PHTF2: variants seen among roughly 807,000 people sequenced by gnomAD.
The protein encoded by PHTF2 is protein PHTF2.
PHTF2 carries 60 observed loss-of-function variants against 101.2 expected under a neutral mutation model. The ratio of observed to expected loss-of-function variants is 0.59; its 90% CI spans 0.48 to 0.73. The LOEUF (loss-of-function observed/expected upper bound fraction) is 0.73, where lower values mean the gene tolerates loss of function less well. Among genes scored for constraint, PHTF2 ranks in the 30% least tolerant of loss-of-function variants. The pLI is 0.00. For synonymous variants in PHTF2, 311 were observed against 307.3 expected (o/e 1.01, Z -0.13); for missense variants, 747 against 908.7 (o/e 0.82, Z 2.29).
At chr7:77,909,026 C>A in intron 8 of PHTF2, 68 bp downstream of exon 7, 1 of 1,025,888 alleles carries the variant, frequency 9.7e-7, no homozygotes, top group Non-Finnish European at 1.4e-6. Flanking sequence ...GTTCTTGACT[C>A]CTCTTACCTT....
chr7:77,924,592 TAAATG>T (rs1399808635), intron 11 of PHTF2, among the ~76,000 whole-genome samples: 1 of 152,158 alleles, frequency 6.6e-6, no homozygotes, highest in African/African-American at 2.4e-5. Context: ...ATTCCAATGA[TAAATG>T]AAAAGGAAAA....
At chr7:77,917,653 C>A (rs1487506863) in intron 9 of PHTF2, among the ~76,000 whole-genome samples, 2 of 152,144 alleles carry the variant, frequency 1.3e-5, no homozygotes, top group African/African-American at 4.8e-5. Context: ...TATAGATCAA[C>A]TTCTAACCCT....
chr7:77,826,207 C>T (rs906141035), intron 1 of PHTF2, among the ~76,000 whole-genome samples: 10 of 152,110 alleles, frequency 6.6e-5, no homozygotes, highest in African/African-American at 2.4e-4. Context: ...AAAACATGAC[C>T]TATACAAAGA....
At chr7:77,821,742 G>A (rs1794311941) in intron 1 of PHTF2, among the ~76,000 whole-genome samples, 1 of 152,008 alleles carries the variant, frequency 6.6e-6, no homozygotes, top group African/African-American at 2.4e-5. Context: ...GGTTTGGGAT[G>A]CAGATGCAAG....
intron 11 of PHTF2, among the ~76,000 whole-genome samples, chr7:77,927,197 C>G (rs2049559): frequency 1.3e-5 from 1 of 79,616 alleles, no homozygotes; most frequent in Non-Finnish European, 3.0e-5. Flanking sequence ...TATATATATA[C>G]ATACACACAC....
chr7:77,955,229 G>A (rs553237459), exon 20 of PHTF2: 25 of 160,964 alleles, frequency 1.6e-4, no homozygotes, highest in Middle Eastern at 2.9e-3. Flanking sequence ...CATCAATGCC[G>A]TGAACTTGCC....
intron 17 of PHTF2, among the ~76,000 whole-genome samples, chr7:77,950,223 C>T (rs1440249565): frequency 2.6e-5 from 4 of 152,124 alleles, no homozygotes; most frequent in Non-Finnish European, 4.4e-5. Context: ...ATATTTTCCT[C>T]CCGCCACTTT....
At chr7:77,951,560 T>C in intron 17 of PHTF2, 57 bp from the exon 17 acceptor site, 1 of 740,664 alleles carries the variant, frequency 1.4e-6, no homozygotes, top group Non-Finnish European at 2.2e-6. Flanking sequence ...ATCTTTCAAG[T>C]CCTTTAAAAA....
intron 5 of PHTF2, among the ~76,000 whole-genome samples, chr7:77,899,973 A>G (rs776417317): frequency 8.1e-6 from 1 of 122,734 alleles, no homozygotes; most frequent in Admixed American, 7.9e-5. Flanking sequence ...ACTTTGTTAT[A>G]GGTTTTTTTT....
chr7:77,851,051 A>T (rs566959455), intron 2 of PHTF2, among the ~76,000 whole-genome samples: 1 of 152,264 alleles, frequency 6.6e-6, no homozygotes, highest in Admixed American at 6.5e-5. Context: ...TTTATCAGGG[A>T]TACTGGCCCA....
At chr7:77,948,859 A>G (rs1806300352) in intron 16 of PHTF2, among the ~76,000 whole-genome samples, 1 of 152,224 alleles carries the variant, frequency 6.6e-6, no homozygotes, top group South Asian at 2.1e-4. Flanking sequence ...ACTATTTCAG[A>G]GACTAACTTA....
At position 77,849,163 on chromosome 7, in the gene PHTF2, G is replaced by A. The variant is rs554652940; in HGVS notation, c.46-5570G>A. On this transcript the variant is annotated intron_variant, in intron 2 of 19. Transcript: ENST00000416283. ...TTTTGAGATGGAGTCTCCCTCTGTC[G>A]CCCAGGCTGGAATGTAGTGGCGTGA... Among the ~76,000 whole-genome samples, 27 of 151,546 alleles carry A rather than the reference G, an allele frequency of 1.8e-4. No individual in the cohort carries two copies. In the South Asian group the frequency reaches 4.8e-3, roughly 27 times the overall value.
In PHTF2 at chr7:77,910,112, A is replaced by G; in HGVS notation, c.612-133A>G. On this transcript the variant is annotated intron_variant, in intron 8 of 19. Coordinates refer to ENST00000416283, the Ensembl canonical transcript of PHTF2. ...ATGATATTTGGATTAAATTTTATCT[A>G]GTAAATCTAAATTTTATTATGTGTT... The G allele has an allele frequency of 1.7e-5, 11 of 634,338 alleles. No individual in the cohort carries two copies. In the South Asian group the frequency reaches 2.7e-4, roughly 15 times the overall value. 39.3% of individuals were successfully genotyped at this position (634,338 alleles called of 1,614,324 possible).
intron 3 of PHTF2, among the ~76,000 whole-genome samples, chr7:77,886,384 A>G (rs1235576216): frequency 6.6e-6 from 1 of 152,212 alleles, no homozygotes; most frequent in African/African-American, 2.4e-5. Context: ...CATAGGAGCC[A>G]GAGCTGACCT....
At chr7:77,824,259 GTT>G (rs761677558) in intron 1 of PHTF2, among the ~76,000 whole-genome samples, 2 of 138,444 alleles carry the variant, frequency 1.4e-5, no homozygotes, top group Admixed American at 7.2e-5. Context: ...ATCCTGGTTT[GTT>G]TTTTTTTTTT....
At chr7:77,930,042 C>T (rs1804421817) in intron 12 of PHTF2, among the ~76,000 whole-genome samples, 1 of 151,196 alleles carries the variant, frequency 6.6e-6, no homozygotes, top group African/African-American at 2.4e-5. Flanking sequence ...CAACCTTCGC[C>T]TCCCAGGTTC....
intron 17 of PHTF2, among the ~76,000 whole-genome samples, chr7:77,951,147 T>C (rs544052973): frequency 6.6e-6 from 1 of 152,114 alleles, no homozygotes; most frequent in Non-Finnish European, 1.5e-5. Flanking sequence ...GACTTTCAAA[T>C]AAATCATAAA....
intron 3 of PHTF2, among the ~76,000 whole-genome samples, chr7:77,860,680 T>C (rs1009633287): frequency 6.6e-6 from 1 of 152,204 alleles, no homozygotes; most frequent in Non-Finnish European, 1.5e-5. Flanking sequence ...AGACTGTTGT[T>C]ATTAATCAAA....
At chr7:77,924,627 G>C (rs1803790566) in intron 11 of PHTF2, among the ~76,000 whole-genome samples, 1 of 152,220 alleles carries the variant, frequency 6.6e-6, no homozygotes, top group Non-Finnish European at 1.5e-5. Flanking sequence ...GAAGTATTTT[G>C]TGCATGGATG....
Sources: allele counts gnomAD v4.1 joint callset (sites outside exome capture counted in the v4.1 genomes callset), GRCh38; gene constraint gnomAD v4.1.1; transcripts MANE v1.5; gene names NCBI Gene and HGNC (gene_info 2026-07-23, HGNC 2026-07-21).